Variants in PCDH15 observed in about 807,000 individuals in gnomAD.
PCDH15 encodes the protein protocadherin related 15.
A neutral mutation model predicts 178.5 loss-of-function variants in PCDH15; 129 were observed. That is an observed-to-expected ratio of 0.72 (90% CI 0.63 to 0.84). PCDH15 has a LOEUF of 0.84. Among genes scored for constraint, PCDH15 ranks in the 40% least tolerant of loss-of-function variants. PCDH15 has a pLI of 0.00. For synonymous variants in PCDH15, 800 were observed against 732.0 expected (o/e 1.09, Z -1.50); for missense variants, 2,230 against 2,099.9 (o/e 1.06, Z -1.21).
chr10:53,918,491 A>C (rs2083715425), intron 25 of PCDH15, among the ~76,000 whole-genome samples: 1 of 152,226 alleles, frequency 6.6e-6, no homozygotes, highest in Non-Finnish European at 1.5e-5. Context: ...TACTGAATAA[A>C]GAATTATTGA....
chr10:54,760,840 G>A, intron 1 of PCDH15, among the ~76,000 whole-genome samples: 1 of 152,014 alleles, frequency 6.6e-6, no homozygotes, highest in East Asian at 1.9e-4. Context: ...GAGGAGTATG[G>A]GTAAACTGAA....
intron 8 of PCDH15, among the ~76,000 whole-genome samples, chr10:54,237,565 C>T (rs1413649241): frequency 6.6e-6 from 1 of 152,104 alleles, no homozygotes; most frequent in East Asian, 1.9e-4. Context: ...GTTGTGCTAT[C>T]AGGACTGGCA....
intron 1 of PCDH15, among the ~76,000 whole-genome samples, chr10:55,170,936 T>C (rs986250888): frequency 1.3e-5 from 2 of 152,116 alleles, no homozygotes; most frequent in East Asian, 1.9e-4. Context: ...TTTCTCTTAG[T>C]ATATTTTCTT....
chr10:55,230,683 G>A (rs1488073796), intron 1 of PCDH15, among the ~76,000 whole-genome samples: 1 of 152,060 alleles, frequency 6.6e-6, no homozygotes, highest in African/African-American at 2.4e-5. Flanking sequence ...AAGTGTCTCA[G>A]TGTGATGTCA....
intron 15 of PCDH15, among the ~76,000 whole-genome samples, chr10:54,125,508 A>G (rs928444910): frequency 1.3e-5 from 2 of 152,198 alleles, no homozygotes; most frequent in African/African-American, 2.4e-5. Flanking sequence ...GATTCACCTT[A>G]TAGGTAGATG....
intron 8 of PCDH15, among the ~76,000 whole-genome samples, chr10:54,304,249 C>A (rs898031591): frequency 1.3e-5 from 2 of 152,004 alleles, no homozygotes; most frequent in African/African-American, 2.4e-5. Flanking sequence ...GCAAGGAAAT[C>A]GCACTGAAAA....
intron 2 of PCDH15, among the ~76,000 whole-genome samples, chr10:55,467,164 G>A (rs1324394616): frequency 6.6e-6 from 1 of 152,114 alleles, no homozygotes; most frequent in Non-Finnish European, 1.5e-5. Context: ...TCTAGCTAGG[G>A]CAATGCCCCA....
chr10:54,507,407 C>T (rs2081262694), intron 3 of PCDH15, among the ~76,000 whole-genome samples: 1 of 151,196 alleles, frequency 6.6e-6, no homozygotes, highest in Admixed American at 6.6e-5. Context: ...TACATTTTTT[C>T]CTTAGTGTTT....
upstream of PCDH15, among the ~76,000 whole-genome samples, chr10:55,322,461 C>A (rs180817484): frequency 6.6e-6 from 1 of 152,088 alleles, no homozygotes; most frequent in Non-Finnish European, 1.5e-5. Context: ...GAGGCTGGAA[C>A]AGTTTGGAGG....
chr10:55,281,959 T>C (rs968783136), intron 1 of PCDH15, among the ~76,000 whole-genome samples: 7 of 152,292 alleles, frequency 4.6e-5, no homozygotes, highest in African/African-American at 1.7e-4. Flanking sequence ...AACTCCTTAG[T>C]CTAAATTACC....
At chr10:54,277,119 C>G (rs142941215) in intron 8 of PCDH15, among the ~76,000 whole-genome samples, 1 of 151,196 alleles carries the variant, frequency 6.6e-6, no homozygotes, top group African/African-American at 2.4e-5. Flanking sequence ...AGTGAGCAGA[C>G]GTAGAGAAAA....
rs1756164421 is a variant in PCDH15 at position 54,069,608 on chromosome 10, G to A, written c.2092-2723C>T. ...TACCACTTGCTTCAGAAATACTTAT[G>A]TAAAAATGAGGATTTCAGGGCTATC... On this transcript the variant is annotated intron_variant, in intron 17 of 37. Transcript: ENST00000644397. Among the ~76,000 whole-genome samples, 3 of 152,248 alleles carry A rather than the reference G, an allele frequency of 2.0e-5. No homozygotes were observed. In the South Asian group the frequency reaches 6.2e-4, roughly 32 times the overall value.
At chr10:55,400,353 T>C (rs977887302) in intron 2 of PCDH15, among the ~76,000 whole-genome samples, 17 of 152,164 alleles carry the variant, frequency 1.1e-4, no homozygotes, top group African/African-American at 3.9e-4. Flanking sequence ...GGACAAGTTA[T>C]AGGAGTGAAA....
chr10:54,283,648 A>G (rs1452635020), intron 8 of PCDH15, among the ~76,000 whole-genome samples: 2 of 152,158 alleles, frequency 1.3e-5, no homozygotes, highest in Non-Finnish European at 2.9e-5. Context: ...AAGGAAAAAT[A>G]CTAACAAAAA....
chr10:55,134,266 G>T, intron 2 of PCDH15, among the ~76,000 whole-genome samples: 1 of 151,982 alleles, frequency 6.6e-6, no homozygotes, highest in Non-Finnish European at 1.5e-5. Flanking sequence ...CTTCTTCCTG[G>T]AAATTCTTTC....
At chr10:55,408,153 A>G (rs2132032193) in intron 2 of PCDH15, among the ~76,000 whole-genome samples, 1 of 151,936 alleles carries the variant, frequency 6.6e-6, no homozygotes, top group Middle Eastern at 3.4e-3. Flanking sequence ...CCACTAACTC[A>G]TGTTATGACT....
intron 2 of PCDH15, among the ~76,000 whole-genome samples, chr10:55,476,087 T>A (rs1840057061): frequency 1.3e-5 from 2 of 152,122 alleles, no homozygotes; most frequent in South Asian, 4.1e-4. Flanking sequence ...AGAACTTTGC[T>A]TGGTTCACTG....
intron 3 of PCDH15, among the ~76,000 whole-genome samples, chr10:54,858,790 T>G (rs1016021292): frequency 2.0e-5 from 3 of 152,048 alleles, no homozygotes; most frequent in African/African-American, 7.2e-5. Context: ...TAATTTATAA[T>G]GGGTAACGTC....
intron 2 of PCDH15, among the ~76,000 whole-genome samples, chr10:55,068,633 T>C (rs905013584): frequency 6.6e-6 from 1 of 152,098 alleles, no homozygotes; most frequent in African/African-American, 2.4e-5. Flanking sequence ...TGAAAAATGA[T>C]AGTGCTATTT....
Sources: gnomAD v4.1 joint callset for allele counts (sites outside exome capture counted in the v4.1 genomes callset) on GRCh38, gnomAD v4.1.1 for gene constraint, MANE v1.5 for transcripts, NCBI Gene and HGNC (gene_info 2026-07-23, HGNC 2026-07-21) for gene names.